Variants in CHRNE observed in about 807,000 individuals in gnomAD.
CHRNE encodes cholinergic receptor nicotinic epsilon subunit.
Under a neutral mutation model 56.5 loss-of-function variants are expected in CHRNE, and 58 were observed. The observed-to-expected ratio is 1.03, with a 90% CI of 0.83 to 1.28. The LOEUF is 1.28. CHRNE is among the 50% of genes most tolerant of loss of function. The probability of loss-of-function intolerance (pLI) is 0.00; values close to 1 mark genes in which losing one functional copy is unlikely to be tolerated. For synonymous variants in CHRNE, 385 were observed against 297.9 expected (o/e 1.29, Z -3.01); for missense variants, 793 against 688.9 (o/e 1.15, Z -1.69).
intron 8 of CHRNE, 97 bp from the exon 9 acceptor site, chr17:4,899,679 C>T: frequency 2.1e-6 from 3 of 1,444,370 alleles, no homozygotes; most frequent in Non-Finnish European, 2.9e-6. Context: ...CTGGTACGGG[C>T]TGGTTACGCC....
At chr17:4,899,773 C>A in intron 8 of CHRNE, 191 bp from the exon 9 acceptor site, 1 of 1,551,036 alleles carries the variant, frequency 6.4e-7, no homozygotes, top group Non-Finnish European at 8.7e-7. Flanking sequence ...ATGAAGGGGA[C>A]CCCCAGCTCC....
In CHRNE at chr17:4,900,978, G is replaced by T; in HGVS notation, c.802+12C>A. 6.2e-7 allele frequency: 1 copy of T among 1,613,950 alleles called. No individual in the cohort carries two copies. The highest frequency in any genetic ancestry group is 8.5e-7 in the Non-Finnish European group (1 of 1,179,866). On this transcript the variant is annotated intron_variant, in intron 7 of 11. Coordinates refer to ENST00000649488, the MANE Select transcript of CHRNE (RefSeq NM_000080.4). ...GCCCGGGTTTGGGGGTAGGTTCGGG[G>T]CCACTGCTTACCCTGCGCCGGCAGG...
At chr17:4,901,890 C>CCT (rs754315118) in intron 5 of CHRNE, 42 bp downstream of exon 5, 10 of 1,605,322 alleles carry the variant, frequency 6.2e-6, no homozygotes, top group South Asian at 4.4e-5. Flanking sequence ...TAAGGCCCCC[C>CCT]CCCAACAATA....
At chr17:4,907,482 G>A (rs1256029299), upstream of CHRNE, among the ~76,000 whole-genome samples, 1 of 148,654 alleles carries the variant, frequency 6.7e-6, no homozygotes, top group Non-Finnish European at 1.5e-5. Context: ...GCAGGAGAAT[G>A]GCGTGAACCC....
chr17:4,900,141 T>C (rs1969928274), intron 8 of CHRNE: 2 of 1,549,980 alleles, frequency 1.3e-6, no homozygotes, highest in South Asian at 1.2e-5. Context: ...ACCACCTTGT[T>C]AGAGGTGGGG....
chr17:4,908,353 TG>T (rs1321478295), intron 1 of CHRNE, among the ~76,000 whole-genome samples: 1 of 152,068 alleles, frequency 6.6e-6, no homozygotes, highest in Admixed American at 6.6e-5. Flanking sequence ...AACTTGTGAG[TG>T]ACCAGTGCAT....
In CHRNE at chr17:4,898,781, G is replaced by T; in HGVS notation, c.1437C>A (p.Phe479Leu). 1 of 1,609,920 alleles carries T rather than the reference G, an allele frequency of 6.2e-7. No homozygotes were observed. Among genetic ancestry groups the T allele is most frequent in the Non-Finnish European group, 8.5e-7 (1 of 1,178,562 alleles). The stretch of plus-strand genomic sequence containing the variant: ...CGTAGGGGAGATCAGGCACTCGGTT[G>T]AAGTAGGCCCCGAGGAAGATGAGGC... ...GSSLIFLGAY[F>L]NRVPDLPYAP... The change falls in exon 12 of 12, where the codon TTC (phenylalanine) becomes TTA (leucine). Residue 479 changes from phenylalanine (F) to leucine (L), a missense_variant. Coordinates refer to ENST00000649488, the MANE Select transcript of CHRNE (RefSeq NM_000080.4).
chr17:4,905,224 C>G (rs1412548309), upstream of CHRNE, among the ~76,000 whole-genome samples: 1 of 152,142 alleles, frequency 6.6e-6, no homozygotes, highest in Non-Finnish European at 1.5e-5. Flanking sequence ...GCTATAGAAT[C>G]TGTAGCTAGG....
chr17:4,899,063 A>C lies in CHRNE; in HGVS notation c.1264T>G (p.Cys422Gly). 1.9e-6 allele frequency: 3 copies of C among 1,611,892 alleles called. No individual in the cohort carries two copies. Among genetic ancestry groups the C allele is most frequent in the Non-Finnish European group, 2.5e-6 (3 of 1,179,644 alleles). The change falls in exon 11 of 12, where the codon TGC (cysteine) becomes GGC (glycine). Residue 422 changes from cysteine (C) to glycine (G), a missense_variant. Transcript: ENST00000649488. ...SLGAAAPEVR[C>G]CVDAVNFVAE... is the part of the protein sequence containing the mutation. ...ACGAAGTTCACGGCATCCACACAGC[A>C]GCGGACCTCGGGGGCGGCGGCGCCC...
At chr17:4,906,794 A>G (rs140595747), upstream of CHRNE, among the ~76,000 whole-genome samples, 838 of 152,328 alleles carry the variant, frequency 5.5e-3, 8 homozygotes, top group African/African-American at 0.019. Context: ...AAAAAAAGAA[A>G]AAAGAAAAAC....
Position 4,901,580 on chromosome 17 carries a change from T to G in CHRNE, c.546A>C (p.Val182=), listed in dbSNP as rs1483147188. Residue 182 remains valine (V), a synonymous_variant, in exon 6 of 12, where the codon GTA becomes GTC. Transcript: ENST00000649488. ...NAEEVEFTFA[V]DNDGKTINKI... is the part of the protein sequence containing the mutation. ...TGTTGATGGTCTTGCCGTCGTTGTC[T>G]ACGGCAAAAGTGAACTCCACCTCTT... 3.1e-6 allele frequency: 5 copies of G among 1,614,072 alleles called. No homozygotes were observed.
intron 5 of CHRNE, 64 bp downstream of exon 5, chr17:4,901,868 G>T: frequency 1.3e-6 from 2 of 1,556,916 alleles, no homozygotes; most frequent in Non-Finnish European, 1.8e-6. Context: ...CTTCCCGGTT[G>T]GCCCCGCCCC....
chr17:4,901,085 A>C lies in CHRNE; in HGVS notation c.707T>G (p.Ile236Ser). The C allele has an allele frequency of 6.2e-7, 1 of 1,613,752 alleles. No homozygotes were observed. The highest frequency in any genetic ancestry group is 8.5e-7 in the Non-Finnish European group (1 of 1,179,914). The change falls in exon 7 of 12, where the codon ATC becomes AGC. Residue 236 changes from isoleucine (I) to serine (S), a missense_variant. Transcript: ENST00000649488. ...GACGTAGAAGAGCGGCTTCCGGCGG[A>C]TGATGAGCGAGTAGATGACGTCAGT... is the stretch of plus-strand genomic sequence containing the variant. ...GETDVIYSLI[I>S]RRKPLFYVIN...
rs1969786928 is a variant in CHRNE at position 4,898,260 on chromosome 17, G to A, written c.*476C>T. 1 of 246,192 alleles carries A rather than the reference G, an allele frequency of 4.1e-6. No homozygotes were observed. The highest frequency in any genetic ancestry group is 2.2e-5 in the African/African-American group (1 of 44,500). The allele number at this position is 246,192 out of a possible 1,614,324, so 15.3% of individuals were successfully genotyped here. On this transcript the variant is annotated 3_prime_UTR_variant, in exon 12 of 12. Transcript: ENST00000649488. Reference sequence around the variant, plus strand: ...GGGCAGCCTCAGCCTTAAACCTGTGGGCCTGAGGGCCACCAGCACTGAAGG... The same window carrying A: ...GGGCAGCCTCAGCCTTAAACCTGTGAGCCTGAGGGCCACCAGCACTGAAGG...
chr17:4,900,375 G>A, intron 8 of CHRNE: 17 of 1,549,614 alleles, frequency 1.1e-5, no homozygotes, highest in Non-Finnish European at 1.5e-5. Flanking sequence ...AGCTGGGGCT[G>A]CGGTGGGCGC....
chr17:4,900,173 C>G (rs922816336), intron 8 of CHRNE: 8 of 1,545,276 alleles, frequency 5.2e-6, no homozygotes, highest in Non-Finnish European at 7.0e-6. Flanking sequence ...TTAGGATACG[C>G]GGCGATCGGG....
chr17:4,898,592 A>C lies in CHRNE; in HGVS notation c.*144T>G. 2.6e-6 allele frequency: 3 copies of C among 1,137,174 alleles called. No homozygotes were observed. The highest frequency in any genetic ancestry group is 3.8e-6 in the Non-Finnish European group (3 of 793,144). The allele number at this position is 1,137,174 out of a possible 1,614,324, so 70.4% of individuals were successfully genotyped here. ...CGGCCAGGCCTACACACGCCAGGGA[A>C]CGGGCACACACCATTCTTGTGAAGT... On this transcript the variant is annotated 3_prime_UTR_variant, in exon 12 of 12. Transcript: ENST00000649488.
Position 4,902,706 on chromosome 17 carries a change from T to A in CHRNE, c.104A>T (p.Tyr35Phe). 1 of 1,614,090 alleles carries A rather than the reference T, an allele frequency of 6.2e-7. No homozygotes were observed. The highest frequency in any genetic ancestry group is 8.5e-7 in the Non-Finnish European group (1 of 1,180,028). ...CCGCACTGGCCGGCTTCCTGGGTCA[T>A]AGTTGTTGAAGAGATGGTGATAAAG... Reference protein sequence around the residue: ...LRLYHHLFNNYDPGSRPVREP... With the variant: ...LRLYHHLFNNFDPGSRPVREP... The change falls in exon 2 of 12, where the codon TAT becomes TTT. Residue 35 changes from tyrosine to phenylalanine, a missense_variant. By Grantham distance (22) the Tyr-to-Phe change is conservative (BLOSUM62 3). Coordinates refer to ENST00000649488, the MANE Select transcript of CHRNE (RefSeq NM_000080.4). The surrounding 1 kb of genome is among the most constrained non-coding windows in gnomAD (Gnocchi z 4.0).
chr17:4,900,858 G>T lies in CHRNE; in HGVS notation c.852C>A (p.Thr284=), dbSNP rs770586668. The T allele has an allele frequency of 6.2e-7, 1 of 1,614,192 alleles. No individual in the cohort carries two copies. Among genetic ancestry groups the T allele is most frequent in the Non-Finnish European group, 8.5e-7 (1 of 1,180,002 alleles). Residue 284 remains threonine, a synonymous_variant, in exon 8 of 12, where the codon ACC becomes ACA. Coordinates refer to ENST00000649488, the MANE Select transcript of CHRNE (RefSeq NM_000080.4). ...TVSINVLLAQ[T]VFLFLIAQKI... ...TCTGGGCAATGAGGAACAAGAAGACGGTCTGGGCGAGCAGGACGTTGATGG... is the reference window on the plus strand; with the variant it reads ...TCTGGGCAATGAGGAACAAGAAGACTGTCTGGGCGAGCAGGACGTTGATGG...
Sources: gnomAD v4.1 joint callset for allele counts (sites outside exome capture counted in the v4.1 genomes callset) on GRCh38, gnomAD v4.1.1 for gene constraint, Gnocchi (gnomAD v3.1) non-coding constraint, MANE v1.5 for transcripts, NCBI Gene and HGNC (gene_info 2026-07-23, HGNC 2026-07-21) for gene names.